ATP8A2: variants seen among roughly 807,000 people sequenced by gnomAD.
ATP8A2 encodes phospholipid-transporting ATPase IB.
Under a neutral mutation model 165.6 loss-of-function variants are expected in ATP8A2, and 100 were observed. That is an observed-to-expected ratio of 0.60 (90% confidence interval 0.51 to 0.71). The LOEUF (loss-of-function observed/expected upper bound fraction) is 0.71. Among genes scored for constraint, ATP8A2 ranks in the 30% least tolerant of loss-of-function variants. The pLI is 0.00. For synonymous variants in ATP8A2, 543 were observed against 548.8 expected, an observed-to-expected ratio of 0.99 and a Z score of 0.15; for missense variants, 1,227 against 1,479.5, an observed-to-expected ratio of 0.83 and a Z score of 2.80.
chr13:25,731,309 GACC>G (rs2043633425), intron 25 of ATP8A2, among the ~76,000 whole-genome samples: 2 of 108,546 alleles, frequency 1.8e-5, no homozygotes, highest in Non-Finnish European at 3.8e-5. Flanking sequence ...AGAAAGAAAA[GACC>G]GGAAGGAGAG....
At chr13:25,695,794 GA>G (rs1194887648) in intron 24 of ATP8A2, among the ~76,000 whole-genome samples, 32 of 151,268 alleles carry the variant, frequency 2.1e-4, no homozygotes, top group Admixed American at 1.3e-4. Context: ...TTCCTCCACT[GA>G]AGTCTCAAAC....
chr13:25,617,170 AAAC>A (rs1370784492), intron 24 of ATP8A2, among the ~76,000 whole-genome samples: 3 of 152,222 alleles, frequency 2.0e-5, no homozygotes, highest in African/African-American at 7.2e-5. Flanking sequence ...ACTTGCATGA[AAAC>A]AACAAAAGCT....
intron 33 of ATP8A2, among the ~76,000 whole-genome samples, chr13:25,896,963 C>A (rs1953574031): frequency 6.6e-6 from 1 of 152,158 alleles, no homozygotes; most frequent in Admixed American, 6.5e-5. Context: ...ATACAGCACA[C>A]TGATGGGTCT....
intron 1 of ATP8A2, among the ~76,000 whole-genome samples, chr13:25,453,514 G>A (rs2035285075): frequency 6.6e-6 from 1 of 152,096 alleles, no homozygotes; most frequent in Admixed American, 6.6e-5. Context: ...ATTGGCTTGT[G>A]TGCTTTTATT....
At chr13:25,794,856 CACA>C in intron 27 of ATP8A2, among the ~76,000 whole-genome samples, 1 of 148,922 alleles carries the variant, frequency 6.7e-6, no homozygotes, top group African/African-American at 2.4e-5. Flanking sequence ...CACACACACA[CACA>C]CCTTCTCTCT....
At chr13:25,926,931 G>A (rs1302000302) in intron 33 of ATP8A2, among the ~76,000 whole-genome samples, 1 of 152,240 alleles carries the variant, frequency 6.6e-6, no homozygotes, top group Non-Finnish European at 1.5e-5. Flanking sequence ...ACTTGGTAGT[G>A]ACTTCTATTG....
chr13:25,529,872 C>CCTAAA, intron 2 of ATP8A2, 127 bp from the exon 3 acceptor site: 1 of 570,638 alleles, frequency 1.8e-6, no homozygotes, highest in Non-Finnish European at 3.0e-6. Context: ...ACAGCAATTT[C>CCTAAA]CTTGTCTTGA....
At chr13:25,936,607 G>C (rs1489424121) in intron 33 of ATP8A2, among the ~76,000 whole-genome samples, 2 of 152,164 alleles carry the variant, frequency 1.3e-5, no homozygotes, top group Non-Finnish European at 2.9e-5. Flanking sequence ...TTCATTAGTG[G>C]GATCATGGCA....
Position 26,023,360 on chromosome 13 carries a change from T to C in ATP8A2, c.*3375T>C, listed in dbSNP as rs1957113615. 1 of 152,178 alleles carries C rather than the reference T, an allele frequency of 6.6e-6. No individual in the cohort carries two copies. Among genetic ancestry groups the C allele is most frequent in the Admixed American group, 6.5e-5 (1 of 15,282 alleles). The allele number at this position is 152,178 out of a possible 1,614,324, so 9.4% of individuals were successfully genotyped here. ...TATCCTGAGAAGTGAACCTGGGCTT[T>C]GGGAGAGCTCAGCTGAGAATTCTGT... On this transcript the variant is annotated 3_prime_UTR_variant, in exon 37 of 37. Coordinates refer to ENST00000381655, the MANE Select transcript of ATP8A2 (RefSeq NM_016529.6).
At chr13:25,608,133 C>T (rs938397164) in intron 24 of ATP8A2, among the ~76,000 whole-genome samples, 1 of 152,130 alleles carries the variant, frequency 6.6e-6, no homozygotes, top group Non-Finnish European at 1.5e-5. Flanking sequence ...GGTTCTGGGA[C>T]TATACAAGAA....
chr13:25,680,364 C>T (rs935701107), intron 24 of ATP8A2, among the ~76,000 whole-genome samples: 7 of 152,134 alleles, frequency 4.6e-5, no homozygotes, highest in Admixed American at 2.0e-4. Flanking sequence ...AATTGGCAGC[C>T]AGTCACCAGA....
At chr13:25,487,914 A>G (rs1337483312) in intron 2 of ATP8A2, among the ~76,000 whole-genome samples, 3 of 152,184 alleles carry the variant, frequency 2.0e-5, no homozygotes, top group Non-Finnish European at 4.4e-5. Context: ...AAACATAACA[A>G]GTACATGAGT....
intron 33 of ATP8A2, among the ~76,000 whole-genome samples, chr13:25,883,257 T>C (rs1566234382): frequency 1.3e-5 from 2 of 151,956 alleles, no homozygotes; most frequent in African/African-American, 2.4e-5. Context: ...CATACTCTTA[T>C]GAAAAAATAC....
At chr13:25,851,549 C>T (rs1373695566) in intron 30 of ATP8A2, among the ~76,000 whole-genome samples, 1 of 150,954 alleles carries the variant, frequency 6.6e-6, no homozygotes, top group East Asian at 2.0e-4. Flanking sequence ...CGCCACTGCA[C>T]TCCAGCCTGG....
intron 27 of ATP8A2, among the ~76,000 whole-genome samples, chr13:25,781,509 G>A (rs2044878261): frequency 6.6e-6 from 1 of 151,290 alleles, no homozygotes; most frequent in South Asian, 2.1e-4. Flanking sequence ...TGTTTTTTGA[G>A]ATGGAGTCTC....
At chr13:25,379,949 T>C (rs2032778981) in intron 1 of ATP8A2, among the ~76,000 whole-genome samples, 1 of 152,150 alleles carries the variant, frequency 6.6e-6, no homozygotes, top group Non-Finnish European at 1.5e-5. Flanking sequence ...TTTCTGGTGT[T>C]AGAGTTTGGG....
chr13:25,793,574 G>T (rs900043478), intron 27 of ATP8A2, among the ~76,000 whole-genome samples: 1 of 152,106 alleles, frequency 6.6e-6, no homozygotes, highest in African/African-American at 2.4e-5. Flanking sequence ...ACATATGTGT[G>T]CACATATATG....
At chr13:25,959,271 G>A (rs1338170817) in intron 33 of ATP8A2, among the ~76,000 whole-genome samples, 2 of 152,190 alleles carry the variant, frequency 1.3e-5, no homozygotes, top group African/African-American at 4.8e-5. Context: ...AGGAAATGGA[G>A]ATACACAAAG....
chr13:25,720,656 C>T (rs939877733), intron 25 of ATP8A2, among the ~76,000 whole-genome samples: 9 of 152,192 alleles, frequency 5.9e-5, no homozygotes, highest in Non-Finnish European at 1.3e-4. Flanking sequence ...GATGGCTCAT[C>T]GTGCCCACCC....
Sources: allele counts gnomAD v4.1 joint callset (sites outside exome capture counted in the v4.1 genomes callset), GRCh38; gene constraint gnomAD v4.1.1; transcripts MANE v1.5; gene names NCBI Gene and HGNC (gene_info 2026-07-23, HGNC 2026-07-21).